The following LY86 variants were observed in gnomAD, a reference collection of about 807,000 sequenced individuals.
LY86 encodes MD-1, RP105-associated.
LY86 carries 20 observed loss-of-function variants against 17.3 expected under a neutral mutation model. That is an observed-to-expected ratio of 1.15 (90% confidence interval 0.81 to 1.68). LY86 has a LOEUF of 1.68. LY86 is among the 40% of genes most tolerant of loss of function. The probability of loss-of-function intolerance (pLI) is 0.00; values close to 1 mark genes in which losing one functional copy is unlikely to be tolerated. For missense variants in LY86, 200 were observed against 191.9 expected (o/e 1.04, Z -0.25); for synonymous variants, 74 against 70.6 (o/e 1.05, Z -0.24).
chr6:6,589,002 A>G, intron 1 of LY86, 132 bp downstream of exon 1: 1 of 1,244,360 alleles, frequency 8.0e-7, no homozygotes, highest in Non-Finnish European at 1.1e-6. Context: ...CTCCACCTGC[A>G]GCAGGTCTGG....
chr6:6,642,268 C>T (rs1342197062), intron 3 of LY86, among the ~76,000 whole-genome samples: 1 of 152,234 alleles, frequency 6.6e-6, no homozygotes, highest in Non-Finnish European at 1.5e-5. Flanking sequence ...TTCTGTGCAA[C>T]TGTATGGGGA....
chr6:6,626,152 G>A (rs890186627), intron 2 of LY86, 141 bp from the exon 3 acceptor site: 12 of 774,842 alleles, frequency 1.5e-5, no homozygotes, highest in Admixed American at 5.8e-5. Context: ...TTTTACCAAG[G>A]AAAGAAGAAA....
At chr6:6,648,922 C>A (rs1468950134) in intron 3 of LY86, among the ~76,000 whole-genome samples, 6 of 152,194 alleles carry the variant, frequency 3.9e-5, no homozygotes, top group Non-Finnish European at 7.3e-5. Context: ...CTCTTTCCAG[C>A]ACTTGTTACA....
chr6:6,600,795 G>A (rs540037264), intron 1 of LY86, among the ~76,000 whole-genome samples: 3 of 151,984 alleles, frequency 2.0e-5, no homozygotes, highest in South Asian at 2.1e-4. Context: ...CATTTGCCAC[G>A]GGTCTGGATC....
intron 1 of LY86, among the ~76,000 whole-genome samples, chr6:6,613,779 C>G (rs962294946): frequency 3.3e-5 from 5 of 152,240 alleles, no homozygotes; most frequent in African/African-American, 1.2e-4. Flanking sequence ...CGAGCGAGGG[C>G]TGCCAGCATG....
chr6:6,643,113 A>G, intron 3 of LY86, among the ~76,000 whole-genome samples: 1 of 152,314 alleles, frequency 6.6e-6, no homozygotes, highest in East Asian at 1.9e-4. Context: ...TGGATATATA[A>G]ATACCTAGAA....
At chr6:6,645,523 T>A (rs558395006) in intron 3 of LY86, among the ~76,000 whole-genome samples, 109 of 152,138 alleles carry the variant, frequency 7.2e-4, no homozygotes, top group African/African-American at 2.5e-3. Context: ...CAAGTCTGTC[T>A]CCTTCCTAGG....
rs186963094 is a variant in LY86, at chr6:6,625,694, C to T, written c.224-599C>T. Among the ~76,000 whole-genome samples, 8 of 152,312 alleles carry T rather than the reference C, an allele frequency of 5.3e-5. No homozygotes were observed. In the East Asian group the frequency reaches 9.6e-4, roughly 18 times the overall value. The stretch of plus-strand genomic sequence containing the variant: ...CATTCATAGAAATCAAGAACTCTCA[C>T]GCATCTTTGTATTTCTAGAATCTTA... On this transcript the variant is annotated intron_variant, in intron 2 of 4. Transcript: ENST00000230568.
chr6:6,608,946 C>G (rs1214541582), intron 1 of LY86, among the ~76,000 whole-genome samples: 6 of 152,202 alleles, frequency 3.9e-5, no homozygotes, highest in Non-Finnish European at 8.8e-5. Context: ...CTTTTTATAT[C>G]TTTAGCAAAA....
chr6:6,605,966 C>T (rs1386642114), intron 1 of LY86, among the ~76,000 whole-genome samples: 3 of 151,790 alleles, frequency 2.0e-5, no homozygotes, highest in African/African-American at 7.3e-5. Context: ...GAAGCGTGGA[C>T]CCAAAGAGCG....
chr6:6,654,811 T>C lies in LY86; in HGVS notation c.*184T>C, dbSNP rs928071063. The C allele has an allele frequency of 3.4e-6, 2 of 586,866 alleles. No individual in the cohort carries two copies. Among genetic ancestry groups the C allele is most frequent in the African/African-American group, 1.9e-5 (1 of 53,596 alleles). 36.4% of individuals were successfully genotyped at this position (586,866 alleles called of 1,614,324 possible). On this transcript the variant is annotated 3_prime_UTR_variant, in exon 5 of 5. Transcript: ENST00000230568. ...CAGACATCCCCAGACTCCACAGATG[T>C]AATGAAGTCCCCGAATGTATCTGTT...
chr6:6,590,397 CAGG>C, intron 1 of LY86, among the ~76,000 whole-genome samples: 1 of 152,276 alleles, frequency 6.6e-6, no homozygotes, highest in African/African-American at 2.4e-5. Context: ...TCATGCTACT[CAGG>C]AGGATGCTCA....
At chr6:6,605,076 G>C (rs993825832) in intron 1 of LY86, among the ~76,000 whole-genome samples, 1 of 149,800 alleles carries the variant, frequency 6.7e-6, no homozygotes, top group African/African-American at 2.5e-5. Flanking sequence ...CTCACTAAAA[G>C]AACTTTAAAG....
chr6:6,598,064 T>C (rs535537191), intron 1 of LY86, among the ~76,000 whole-genome samples: 1 of 152,250 alleles, frequency 6.6e-6, no homozygotes, highest in Non-Finnish European at 1.5e-5. Context: ...AGTGCTCAAT[T>C]TAGTCGTCTT....
chr6:6,612,530 A>C (rs1761406010), intron 1 of LY86, among the ~76,000 whole-genome samples: 1 of 152,240 alleles, frequency 6.6e-6, no homozygotes, highest in South Asian at 2.1e-4. Flanking sequence ...AGAACAAACC[A>C]ACCACACAAA....
chr6:6,613,432 C>CCGCG (rs1383783426), intron 1 of LY86, among the ~76,000 whole-genome samples: 1 of 152,222 alleles, frequency 6.6e-6, no homozygotes, highest in Non-Finnish European at 1.5e-5. Flanking sequence ...CTGAGCCCTG[C>CCGCG]CGCGCCGGGA....
chr6:6,643,406 A>C (rs1400879962), intron 3 of LY86, among the ~76,000 whole-genome samples: 1 of 152,278 alleles, frequency 6.6e-6, no homozygotes. Context: ...TAAATGAAAT[A>C]AGGCAGACAA....
intron 1 of LY86, among the ~76,000 whole-genome samples, chr6:6,598,862 C>G (rs1487131596): frequency 6.6e-6 from 1 of 152,196 alleles, no homozygotes; most frequent in Non-Finnish European, 1.5e-5. Context: ...CAAGGTTAAT[C>G]CTTACAACAC....
rs146118399 is a variant in LY86 at position 6,610,997 on chromosome 6, T to C, written c.137-13929T>C. ...ACCTTTCTGATACCACTTTAAGCAA[T>C]AGAGGAAAAGAAAATTATCTTGTTT... On this transcript the variant is annotated intron_variant, in intron 1 of 4. Coordinates refer to ENST00000230568, the MANE Select transcript of LY86 (RefSeq NM_004271.4). Among the ~76,000 whole-genome samples the C allele has an allele frequency of 1.4e-3, 217 of 152,308 alleles. 1 individual carries two copies. The highest frequency in any genetic ancestry group is 2.5e-3 in the Non-Finnish European group (171 of 68,030).
Sources: gnomAD v4.1 joint callset for allele counts (sites outside exome capture counted in the v4.1 genomes callset) on GRCh38, gnomAD v4.1.1 for gene constraint, MANE v1.5 for transcripts, NCBI Gene and HGNC (gene_info 2026-07-23, HGNC 2026-07-21) for gene names.